Variants in SRP54 observed in about 807,000 individuals in gnomAD.
SRP54 encodes signal recognition particle 54, also known as signal recognition particle subunit SRP54.
SRP54 carries 10 observed loss-of-function variants against 64.8 expected under a neutral mutation model. The observed-to-expected ratio is 0.15, with a 90% CI of 0.10 to 0.26. The LOEUF (loss-of-function observed/expected upper bound fraction) is 0.26, where lower values mean the gene tolerates loss of function less well. Among genes scored for constraint, SRP54 ranks in the 10% least tolerant of loss-of-function variants. The pLI is 1.00. For synonymous variants in SRP54, 193 were observed against 185.6 expected (o/e 1.04, Z -0.32); for missense variants, 325 against 613.7 (o/e 0.53, Z 4.97).
intron 1 of SRP54, among the ~76,000 whole-genome samples, chr14:34,985,789 A>G (rs980058890): frequency 6.6e-6 from 1 of 152,232 alleles, no homozygotes; most frequent in African/African-American, 2.4e-5. Flanking sequence ...AAGAATTTAG[A>G]TGAAGCTACT....
chr14:34,987,246 A>AAATATAT (rs1555352658), intron 1 of SRP54, among the ~76,000 whole-genome samples: 1 of 110,074 alleles, frequency 9.1e-6, no homozygotes, highest in African/African-American at 3.7e-5. Context: ...AAAAAAAAAA[A>AAATATAT]ATATATATAT....
Position 35,029,275 on chromosome 14 carries a change from T to C in SRP54, c.*123T>C, listed in dbSNP as rs978045945. The C allele has an allele frequency of 1.6e-6, 1 of 609,550 alleles. No homozygotes were observed. The highest frequency in any genetic ancestry group is 2.7e-6 in the Non-Finnish European group (1 of 368,656). 37.8% of individuals were successfully genotyped at this position (609,550 alleles called of 1,614,324 possible). A position where few individuals can be genotyped will look rare whatever the true frequency, so the allele number is the denominator to read the frequency against. On this transcript the variant is annotated 3_prime_UTR_variant, in exon 16 of 16. Coordinates refer to ENST00000216774, the MANE Select transcript of SRP54 (RefSeq NM_003136.4). ...TTCTTGCTTATCATGCACTCTTTCC[T>C]TTTCTTCTCGCCCGCTTTTCCCCTC...
At chr14:35,028,853 C>T (rs7144617) in intron 15 of SRP54, among the ~76,000 whole-genome samples, 26,677 of 151,992 alleles carry the variant, frequency 0.18, 2,559 homozygotes, top group East Asian at 0.38. Flanking sequence ...GCAATAACTC[C>T]GTAAGATAGG....
chr14:35,009,347 C>T (rs890938128), intron 7 of SRP54, among the ~76,000 whole-genome samples: 4 of 151,614 alleles, frequency 2.6e-5, no homozygotes, highest in African/African-American at 9.7e-5. Context: ...TATGCAGCCA[C>T]ACACATGTTC....
At chr14:35,022,464 C>A (rs1193341719) in intron 13 of SRP54, among the ~76,000 whole-genome samples, 1 of 151,960 alleles carries the variant, frequency 6.6e-6, no homozygotes, top group Non-Finnish European at 1.5e-5. Flanking sequence ...TCAAGCGATT[C>A]TTCTGCCTCA....
At chr14:35,008,857 A>G in intron 7 of SRP54, 26 bp downstream of exon 7, 2 of 1,402,670 alleles carry the variant, frequency 1.4e-6, no homozygotes, top group South Asian at 1.3e-5. Flanking sequence ...TTATTTTAAC[A>G]CTTATATCCC....
chr14:35,014,944 G>T, intron 11 of SRP54, 114 bp downstream of exon 11: 1 of 661,280 alleles, frequency 1.5e-6, no homozygotes, highest in African/African-American at 1.9e-5. Context: ...ATCTTCCACT[G>T]CTTATTATTT....
intron 4 of SRP54, among the ~76,000 whole-genome samples, chr14:35,001,394 G>A (rs750060256): frequency 2.0e-5 from 3 of 151,942 alleles, no homozygotes; most frequent in African/African-American, 4.8e-5. Context: ...CAGGCGATCC[G>A]CCCGCTTCGG....
chr14:34,996,536 A>G (rs1166611210), intron 1 of SRP54, 141 bp from the exon 2 acceptor site: 5 of 518,948 alleles, frequency 9.6e-6, no homozygotes, highest in Non-Finnish European at 1.7e-5. Context: ...ACATGACTGT[A>G]TTTAAGCACA....
chr14:35,019,003 A>G lies in SRP54; in HGVS notation c.1085A>G (p.Lys362Arg). The G allele has an allele frequency of 6.2e-7, 1 of 1,613,922 alleles. No individual in the cohort carries two copies. The highest frequency in any genetic ancestry group is 8.5e-7 in the Non-Finnish European group (1 of 1,179,902). Residue 362 changes from lysine (K) to arginine (R), a missense_variant, in exon 13 of 16, where the codon AAA (lysine) becomes AGA (arginine). Physicochemically the swap from Lys to Arg is conservative, Grantham distance 26. Around this residue, in one of 3 missense-constraint regions of SRP54, gnomAD observed 146 missense variants for 337.4 expected, o/e 0.43. Transcript: ENST00000216774. ...IPGFGTDFMS[K>R]GNEQESMARL... is the part of the protein sequence containing the mutation. ...GGTTTTGGGACAGATTTTATGAGCA[A>G]AGGAAATGAACAGGAGTCAATGGCA...
chr14:35,007,898 G>T (rs572587639), intron 5 of SRP54, among the ~76,000 whole-genome samples: 2 of 151,116 alleles, frequency 1.3e-5, no homozygotes, highest in South Asian at 4.2e-4. Flanking sequence ...AAGAGGAGAG[G>T]TCCTCATAGT....
chr14:34,993,921 C>T (rs2044023843), intron 1 of SRP54, among the ~76,000 whole-genome samples: 1 of 152,040 alleles, frequency 6.6e-6, no homozygotes, highest in African/African-American at 2.4e-5. Context: ...TCTCGAACTC[C>T]CAACCTCAGG....
Position 34,996,802 on chromosome 14 carries a change from G to T in SRP54, c.78+15G>T, listed in dbSNP as rs749506726. ...TCAATGAAGAGGTATGTAAAATATTGTATGAAATATATATGATTGTATATT... is the reference window on the plus strand; with the variant it reads ...TCAATGAAGAGGTATGTAAAATATTTTATGAAATATATATGATTGTATATT... On this transcript the variant is annotated intron_variant, in intron 2 of 15. Coordinates refer to ENST00000216774, the MANE Select transcript of SRP54 (RefSeq NM_003136.4). The T allele has an allele frequency of 1.3e-6, 2 of 1,543,896 alleles. No individual in the cohort carries two copies. Among genetic ancestry groups the T allele is most frequent in the Non-Finnish European group, 9.0e-7 (1 of 1,116,114 alleles).
intron 1 of SRP54, among the ~76,000 whole-genome samples, chr14:34,991,311 G>A (rs1489896805): frequency 6.6e-6 from 1 of 151,444 alleles, no homozygotes; most frequent in Non-Finnish European, 1.5e-5. Context: ...TGTATTTTCA[G>A]TAGAGATGGG....
rs983336121 is a variant in SRP54, at chr14:35,005,317, A to G, written c.256-1966A>G. ...GTACCAGTGCATTCTAGCCTGGGTA[A>G]CAGAGTAAGACCCTGTCTCAAAAAA... is the stretch of plus-strand genomic sequence containing the variant. On this transcript the variant is annotated intron_variant, in intron 4 of 15. Coordinates refer to ENST00000216774, the MANE Select transcript of SRP54 (RefSeq NM_003136.4). Among the ~76,000 whole-genome samples, 8 of 152,222 alleles carry G rather than the reference A, an allele frequency of 5.3e-5. No individual in the cohort carries two copies. The East Asian group carries it at 1.2e-3, about 22-fold the overall frequency.
chr14:34,986,873 CT>C lies in SRP54; in HGVS notation c.-34+3659del, dbSNP rs1484447918. 2.6e-4 allele frequency among the ~76,000 whole-genome samples: 38 copies of C among 146,896 alleles called. No individual in the cohort carries two copies. The East Asian group carries it at 7.4e-3, about 29-fold the overall frequency. On this transcript the variant is annotated intron_variant, in intron 1 of 15. Coordinates refer to ENST00000216774, the MANE Select transcript of SRP54 (RefSeq NM_003136.4). ...CAGTGGGCACAGAGTGAGACTCTGTCTCAAAAAAAAAAAATTGCTAGTTATT... is the reference window on the plus strand; with the variant it reads ...CAGTGGGCACAGAGTGAGACTCTGTCCAAAAAAAAAAAATTGCTAGTTATT...
At chr14:34,988,692 A>G (rs555967627) in intron 1 of SRP54, among the ~76,000 whole-genome samples, 2 of 149,902 alleles carry the variant, frequency 1.3e-5, no homozygotes, top group Admixed American at 6.7e-5. Context: ...GACTGTGAAC[A>G]CATATGCTGT....
chr14:34,987,275 G>GTATA (rs369480971), intron 1 of SRP54, among the ~76,000 whole-genome samples: 24 of 131,492 alleles, frequency 1.8e-4, no homozygotes, highest in Admixed American at 3.2e-4. Flanking sequence ...GTGTGTGTGT[G>GTATA]TATATATATA....
At chr14:35,011,771 C>T (rs936219498) in intron 8 of SRP54, 112 bp downstream of exon 8, 1 of 994,994 alleles carries the variant, frequency 1.0e-6, no homozygotes, top group Non-Finnish European at 1.4e-6. Flanking sequence ...GGCAGATCCC[C>T]AGTAATTTAT....
Sources: gnomAD v4.1 joint callset for allele counts (sites outside exome capture counted in the v4.1 genomes callset) on GRCh38, gnomAD v4.1.1 for gene constraint, gnomAD v4.1.1 regional missense constraint, MANE v1.5 for transcripts, NCBI Gene and HGNC (gene_info 2026-07-23, HGNC 2026-07-21) for gene names.